APOB: variants seen among roughly 807,000 people sequenced by gnomAD.
The protein encoded by APOB is apolipoprotein B.
A neutral mutation model predicts 314.1 loss-of-function variants in APOB; 153 were observed. The observed-to-expected ratio is 0.49, with a 90% CI of 0.43 to 0.56. APOB has a LOEUF of 0.56. APOB is among the 20% of genes least tolerant of loss of function. The probability of loss-of-function intolerance (pLI) is 0.00; values close to 1 mark genes in which losing one functional copy is unlikely to be tolerated. For synonymous variants in APOB, 2,087 were observed against 2,036.4 expected (o/e 1.02, Z -0.67); for missense variants, 5,430 against 5,350.7 (o/e 1.01, Z -0.46).
At position 21,009,117 on chromosome 2, in the gene APOB, C is replaced by T. The variant is rs370426974; in HGVS notation, c.7751G>A (p.Gly2584Glu). The change falls in exon 26 of 29, where the codon GGG (glycine) becomes GAG (glutamate). Residue 2584 changes from glycine (G) to glutamate (E), a missense_variant. This residue lies in a region of APOB where 3,281 missense variants were observed against 3,171.0 expected (regional missense o/e 1.03). Transcript: ENST00000233242. ...GGTCTTGATTTCAGGAACAGTGAACCCTTGCTCTACCAATGCTTTCATACG... is the reference window on the plus strand; with the variant it reads ...GGTCTTGATTTCAGGAACAGTGAACTCTTGCTCTACCAATGCTTTCATACG... ...AKRMKALVEQ[G>E]FTVPEIKTIL... The T allele has an allele frequency of 2.5e-6, 4 of 1,613,926 alleles. No homozygotes were observed. Among genetic ancestry groups the T allele is most frequent in the Non-Finnish European group, 3.4e-6 (4 of 1,179,936 alleles).
In APOB at chr2:21,012,589, G is replaced by A. The variant is rs759979553; in HGVS notation, c.4279C>T (p.Arg1427Cys). The change falls in exon 26 of 29, where the codon CGC (arginine) becomes TGC (cysteine). Residue 1427 changes from arginine (R) to cysteine (C), a missense_variant. Transcript: ENST00000233242. ...ATATTCGAATCTAGAAATTTGTGGC[G>A]TAGAGACCCATCACATGATAGTGTG... Reference protein sequence around the residue: ...TFTLSCDGSLRHKFLDSNIKF... With the variant: ...TFTLSCDGSLCHKFLDSNIKF... The A allele has an allele frequency of 2.8e-5, 45 of 1,613,270 alleles. No homozygotes were observed. Among genetic ancestry groups the A allele is most frequent in the Middle Eastern group, 3.3e-4 (2 of 6,084 alleles).
intron 4 of APOB, among the ~76,000 whole-genome samples, chr2:21,040,627 C>G (rs1205090882): frequency 1.3e-5 from 2 of 152,176 alleles, no homozygotes; most frequent in Non-Finnish European, 1.5e-5. Context: ...GACCACCAAG[C>G]ACTAGTCTTG....
Position 21,008,911 on chromosome 2 carries a change from G to A in APOB, c.7957C>T (p.Leu2653Phe), listed in dbSNP as rs1281136982. The A allele has an allele frequency of 2.5e-6, 4 of 1,614,028 alleles. No individual in the cohort carries two copies. Among genetic ancestry groups the A allele is most frequent in the Non-Finnish European group, 3.4e-6 (4 of 1,179,920 alleles). Residue 2653 changes from leucine (L) to phenylalanine (F), a missense_variant, in exon 26 of 29, where the codon CTT becomes TTT. Coordinates refer to ENST00000233242, the MANE Select transcript of APOB (RefSeq NM_000384.3). ...SRFSTPEFTILNTFHIPSFTI... is the reference protein window; with the variant it reads ...SRFSTPEFTIFNTFHIPSFTI... ...AAGGAAGGAATGTGGAAGGTGTTAAGGATGGTAAATTCTGGTGTGGAAAAC... is the reference window on the plus strand; with the variant it reads ...AAGGAAGGAATGTGGAAGGTGTTAAAGATGGTAAATTCTGGTGTGGAAAAC...
At chr2:21,014,197 T>C (rs954284145) in intron 24 of APOB, among the ~76,000 whole-genome samples, 2 of 152,224 alleles carry the variant, frequency 1.3e-5, no homozygotes, top group African/African-American at 4.8e-5. Flanking sequence ...TAACAGGTTG[T>C]ACTGAATAAA....
At chr2:21,016,980 T>C (rs1025845958) in intron 20 of APOB, among the ~76,000 whole-genome samples, 1 of 109,904 alleles carries the variant, frequency 9.1e-6, no homozygotes, top group Admixed American at 1.0e-4. Context: ...CGAGACTCCA[T>C]CTCAAAAAAT....
rs530171166 is a variant in APOB, at chr2:21,032,507, C to T, written c.1199G>A (p.Arg400His). The T allele has an allele frequency of 1.4e-4, 228 of 1,614,154 alleles. 2 individuals carry two copies. The South Asian group carries it at 1.6e-3, about 11-fold the overall frequency. The change falls in exon 10 of 29, where the codon CGT (arginine) becomes CAT (histidine). Residue 400 changes from arginine (R) to histidine (H), a missense_variant. By Grantham distance (29) the Arg-to-His change is conservative. Coordinates refer to ENST00000233242, the MANE Select transcript of APOB (RefSeq NM_000384.3). ...TATCAGAAGGGGGTTGGCATGCACA[C>T]GTTTCAGCCACTGGAGGATGTGAGT... ...CSTHILQWLK[R>H]VHANPLLIDV...
At chr2:21,030,052 C>T in intron 10 of APOB, 37 bp from the exon 11 acceptor site, 1 of 1,358,624 alleles carries the variant, frequency 7.4e-7, no homozygotes, top group South Asian at 1.2e-5. Context: ...ACTTGGTAAC[C>T]CCAGTTAGGT....
At position 21,033,408 on chromosome 2, in the gene APOB, C is replaced by T. The variant is rs1211080910; in HGVS notation, c.1015G>A (p.Glu339Lys). The change falls in exon 9 of 29, where the codon GAG becomes AAG. Residue 339 changes from glutamate (E) to lysine (K), a missense_variant. Coordinates refer to ENST00000233242, the MANE Select transcript of APOB (RefSeq NM_000384.3). The part of the protein sequence containing the change: ...LQELKKLTIS[E>K]QNIQRANLFN... ...AGATTAGCTCTCTGGATATTTTGCTCAGAGATGGTTAGTTTTTTCAGTTCC... is the reference window on the plus strand; with the variant it reads ...AGATTAGCTCTCTGGATATTTTGCTTAGAGATGGTTAGTTTTTTCAGTTCC... 3 of 1,614,172 alleles carry T rather than the reference C, an allele frequency of 1.9e-6. No homozygotes were observed. Among genetic ancestry groups the T allele is most frequent in the Non-Finnish European group, 1.7e-6 (2 of 1,180,026 alleles).
In APOB at chr2:21,022,955, C is replaced by T. The variant is rs144569937; in HGVS notation, c.2692G>A (p.Gly898Arg). ...AAGAAGTTGGTGTTCATCTGGACCC[C>T]ACTCCTAGCGAAGTCCGGAATGATG... ...GIIIPDFARSGVQMNTNFFHE... is the reference protein window; with the variant it reads ...GIIIPDFARSRVQMNTNFFHE... The change falls in exon 18 of 29, where the codon GGG becomes AGG. Residue 898 changes from glycine to arginine, a missense_variant. By Grantham distance (125) the Gly-to-Arg change is moderately radical. This residue lies in a region of APOB where 2,085 missense variants were observed against 2,079.7 expected (regional missense o/e 1.00). Transcript: ENST00000233242. 1.7e-5 allele frequency: 27 copies of T among 1,614,064 alleles called. No homozygotes were observed. The highest frequency in any genetic ancestry group is 1.6e-4 in the Middle Eastern group (1 of 6,084).
In APOB at chr2:21,005,455, C is replaced by T. The variant is rs1008392420; in HGVS notation, c.11413G>A (p.Asp3805Asn). The T allele has an allele frequency of 2.5e-6, 4 of 1,613,980 alleles. No homozygotes were observed. The African/African-American group carries it at 4.0e-5, about 16-fold the overall frequency. The change falls in exon 26 of 29, where the codon GAC (aspartate) becomes AAC (asparagine). Residue 3805 changes from aspartate (D) to asparagine (N), a missense_variant. By Grantham distance (23) the Asp-to-Asn change is conservative (BLOSUM62 1). Around this residue, in one of 3 missense-constraint regions of APOB, gnomAD observed 3,281 missense variants for 3,171.0 expected, o/e 1.03. Transcript: ENST00000233242. ...ATCTCAAAAAAGGGAATCAAGGAGT[C>T]TTCTGGTTGAGAATATTTTGTTAAC... Reference protein sequence around the residue: ...DVLTKYSQPEDSLIPFFEITV... With the variant: ...DVLTKYSQPENSLIPFFEITV...
chr2:21,007,333 T>C lies in APOB; in HGVS notation c.9535A>G (p.Lys3179Glu), dbSNP rs774535240. 4 of 1,613,970 alleles carry C rather than the reference T, an allele frequency of 2.5e-6. No homozygotes were observed. In the East Asian group the frequency reaches 6.7e-5, roughly 27 times the overall value. Residue 3179 changes from lysine (K) to glutamate (E), a missense_variant, in exon 26 of 29, where the codon AAA (lysine) becomes GAA (glutamate). Around this residue, in one of 3 missense-constraint regions of APOB, gnomAD observed 3,281 missense variants for 3,171.0 expected, o/e 1.03. Transcript: ENST00000233242. The part of the protein sequence containing the change: ...FDLSVKAQYK[K>E]NKHRHSITNP... ...GTGATGGAATGCCTGTGTTTGTTTT[T>C]CTTATACTGAGCTTTTACACTTAAA...
At position 21,008,153 on chromosome 2, in the gene APOB, G is replaced by C; in HGVS notation, c.8715C>G (p.Asp2905Glu). 6.2e-7 allele frequency: 1 copy of C among 1,614,018 alleles called. No homozygotes were observed. Among genetic ancestry groups the C allele is most frequent in the South Asian group, 1.1e-5 (1 of 91,064 alleles). ...ACAGTGTCTTGATCTCGTTGCGCAG[G>C]TCAGCCTGACTAGAGAAGTCCAGTT... ...IPKLDFSSQADLRNEIKTLLK... is the reference protein window; with the variant it reads ...IPKLDFSSQAELRNEIKTLLK... Residue 2905 changes from aspartate (D) to glutamate (E), a missense_variant, in exon 26 of 29, where the codon GAC becomes GAG. Physicochemically the swap from Asp to Glu is conservative, Grantham distance 45. Around this residue, in one of 3 missense-constraint regions of APOB, gnomAD observed 3,281 missense variants for 3,171.0 expected, o/e 1.03. Transcript: ENST00000233242.
Position 21,009,938 on chromosome 2 carries a change from T to G in APOB, c.6930A>C (p.Ile2310=). The change falls in exon 26 of 29, where the codon ATA becomes ATC. Residue 2310 remains isoleucine (I), a synonymous_variant. Transcript: ENST00000233242. ...QLGTTISFER[I]NDILEHVKHF... is the part of the protein sequence containing the mutation. ...GTTTGACATGCTCAAGAATGTCATT[T>G]ATTCTTTCAAATGAAATTGTAGTTC... The G allele has an allele frequency of 6.2e-7, 1 of 1,613,842 alleles. No individual in the cohort carries two copies. Among genetic ancestry groups the G allele is most frequent in the African/African-American group, 1.3e-5 (1 of 75,052 alleles).
At chr2:21,031,737 C>G (rs1301183365) in intron 10 of APOB, among the ~76,000 whole-genome samples, 1 of 152,106 alleles carries the variant, frequency 6.6e-6, no homozygotes, top group Non-Finnish European at 1.5e-5. Flanking sequence ...GTGGTCCCAG[C>G]TACTCAGGAG....
At chr2:21,039,238 A>C (rs1444798635) in intron 4 of APOB, among the ~76,000 whole-genome samples, 3 of 152,266 alleles carry the variant, frequency 2.0e-5, no homozygotes, top group Non-Finnish European at 4.4e-5. Context: ...CTGGCCTGCC[A>C]GCAACAGGTG....
At position 21,005,536 on chromosome 2, in the gene APOB, A is replaced by G. The variant is rs1487998575; in HGVS notation, c.11332T>C (p.Ser3778Pro). Residue 3778 changes from serine (S) to proline (P), a missense_variant, in exon 26 of 29, where the codon TCA becomes CCA. Around this residue, in one of 3 missense-constraint regions of APOB, gnomAD observed 3,281 missense variants for 3,171.0 expected, o/e 1.03. Coordinates refer to ENST00000233242, the MANE Select transcript of APOB (RefSeq NM_000384.3). ...AGTGTTGGTAGGTTGAGGGCAAATG[A>G]TGAAGTTCTCAGCTTCTTATAGATT... is the stretch of plus-strand genomic sequence containing the variant. Reference protein sequence around the residue: ...IQIYKKLRTSSFALNLPTLPE... With the variant: ...IQIYKKLRTSPFALNLPTLPE... 9.9e-6 allele frequency: 16 copies of G among 1,614,058 alleles called. No individual in the cohort carries two copies. The South Asian group carries it at 1.4e-4, about 14-fold the overall frequency.
At chr2:21,018,174 A>G (rs1056291987) in intron 20 of APOB, among the ~76,000 whole-genome samples, 2 of 152,026 alleles carry the variant, frequency 1.3e-5, no homozygotes, top group African/African-American at 2.4e-5. Context: ...GCCAGAATCC[A>G]TCCCCTTCTC....
rs375294575 is a variant in APOB at position 21,016,458 on chromosome 2, C to T, written c.3313G>A (p.Ala1105Thr). The T allele has an allele frequency of 2.4e-5, 38 of 1,607,056 alleles. No homozygotes were observed. Among genetic ancestry groups the T allele is most frequent in the African/African-American group, 5.3e-5 (4 of 74,864 alleles). The change falls in exon 21 of 29, where the codon GCC becomes ACC. Residue 1105 changes from alanine (A) to threonine (T), a missense_variant. Physicochemically the swap from Ala to Thr is moderately conservative, Grantham distance 58. This residue lies in a region of APOB where 2,085 missense variants were observed against 2,079.7 expected (regional missense o/e 1.00). Transcript: ENST00000233242. Reference sequence around the variant, plus strand: ...CTTTACCTTAGGTGGCCCATGAGGGCGACCTCAGTAATTTTCTTGTTCTGA... The same window carrying T: ...CTTTACCTTAGGTGGCCCATGAGGGTGACCTCAGTAATTTTCTTGTTCTGA... Reference protein sequence around the residue: ...DIQNKKITEVALMGHLSCDTK... With the variant: ...DIQNKKITEVTLMGHLSCDTK...
At chr2:21,028,282 G>T in intron 13 of APOB, 45 bp downstream of exon 13, 1 of 1,527,070 alleles carries the variant, frequency 6.5e-7, no homozygotes, top group Non-Finnish European at 9.1e-7. Flanking sequence ...TGGAATTCCA[G>T]CTCAGGGCCC....
Sources: gnomAD v4.1 joint callset for allele counts (sites outside exome capture counted in the v4.1 genomes callset) on GRCh38, gnomAD v4.1.1 for gene constraint, gnomAD v4.1.1 regional missense constraint, MANE v1.5 for transcripts, NCBI Gene and HGNC (gene_info 2026-07-23, HGNC 2026-07-21) for gene names.